OR51I2: variants seen among roughly 807,000 people sequenced by gnomAD.
The protein encoded by OR51I2 is olfactory receptor 51I2.
A neutral mutation model predicts 9.3 loss-of-function variants in OR51I2; 6 were observed. That is an observed-to-expected ratio of 0.64 (90% CI 0.35 to 1.27). OR51I2 has a LOEUF of 1.27. OR51I2 is among the 50% of genes most tolerant of loss of function. OR51I2 has a pLI of 0.03. For missense variants in OR51I2, 489 were observed against 396.4 expected (o/e 1.23, Z -1.98); for synonymous variants, 179 against 143.1 (o/e 1.25, Z -1.79).
intron 1 of OR51I2, among the ~76,000 whole-genome samples, 155 bp from the exon 2 acceptor site, chr11:5,453,104 T>C (rs758137016): frequency 3.0e-4 from 45 of 152,240 alleles, no homozygotes; most frequent in Non-Finnish European, 5.6e-4. Context: ...CTCCTGACTT[T>C]CTTCTCTTGT....
intron 1 of OR51I2, among the ~76,000 whole-genome samples, chr11:5,452,294 G>C (rs539816433): frequency 7.8e-4 from 118 of 152,098 alleles, no homozygotes; most frequent in African/African-American, 2.8e-3. Flanking sequence ...CACGAGGTCA[G>C]GAGATCGAGA....
intron 1 of OR51I2, among the ~76,000 whole-genome samples, chr11:5,451,435 A>G (rs1037216795): frequency 6.6e-6 from 1 of 152,228 alleles, no homozygotes; most frequent in Non-Finnish European, 1.5e-5. Flanking sequence ...AATGGGAGAA[A>G]TAAGAGACAA....
In OR51I2 at chr11:5,454,595, T is replaced by C; in HGVS notation, c.*168T>C. 1 of 559,776 alleles carries C rather than the reference T, an allele frequency of 1.8e-6. No homozygotes were observed. The highest frequency in any genetic ancestry group is 3.1e-6 in the Non-Finnish European group (1 of 319,054). 34.7% of individuals were successfully genotyped at this position (559,776 alleles called of 1,614,324 possible). ...AAAACAAGGAGTTCCAAATGAATAG[T>C]ACATTCACTAAATACCAACAGTATT... On this transcript the variant is annotated 3_prime_UTR_variant, in exon 2 of 2. Coordinates refer to ENST00000641930, the MANE Select transcript of OR51I2 (RefSeq NM_001004754.3).
chr11:5,453,359 G>C lies in OR51I2; in HGVS notation c.-130G>C, dbSNP rs1850886400. 1.0e-5 allele frequency: 6 copies of C among 579,034 alleles called. No homozygotes were observed. In the East Asian group the frequency reaches 1.5e-4, roughly 15 times the overall value. The allele number at this position is 579,034 out of a possible 1,614,324, so 35.9% of individuals were successfully genotyped here. ...AAGCAGTGATTTCATGAATGCGTCA[G>C]TTTCCATTTATGTCAACATCATCGC... On this transcript the variant is annotated 5_prime_UTR_variant, in exon 2 of 2. Transcript: ENST00000641930.
Position 5,455,554 on chromosome 11 carries a change from A to T in OR51I2, c.*1127A>T, listed in dbSNP as rs1850939558. ...AAAAGAGAGCGAGGGATTGGGGGAG[A>T]AAGAAGGGGGGAGAGAGAGAGAGAA... On this transcript the variant is annotated 3_prime_UTR_variant, in exon 2 of 2. Transcript: ENST00000641930. 1 of 132,384 alleles carries T rather than the reference A, an allele frequency of 7.6e-6. No homozygotes were observed. Among genetic ancestry groups the T allele is most frequent in the Non-Finnish European group, 1.5e-5 (1 of 64,828 alleles). 8.2% of individuals were successfully genotyped at this position (132,384 alleles called of 1,614,324 possible). A position where few individuals can be genotyped will look rare whatever the true frequency, so the allele number is the denominator to read the frequency against.
chr11:5,454,105 C>T lies in OR51I2; in HGVS notation c.617C>T (p.Thr206Ile). 3 of 1,614,194 alleles carry T rather than the reference C, an allele frequency of 1.9e-6. No homozygotes were observed. The highest frequency in any genetic ancestry group is 2.5e-6 in the Non-Finnish European group (3 of 1,180,042). ...SIYGLFVLVS[T>I]FGMDLFFIFL... ...TATGGACTCTTTGTTCTTGTATCCACCTTTGGCATGGACCTGTTTTTTATC... is the reference window on the plus strand; with the variant it reads ...TATGGACTCTTTGTTCTTGTATCCATCTTTGGCATGGACCTGTTTTTTATC... Residue 206 changes from threonine (T) to isoleucine (I), a missense_variant, in exon 2 of 2, where the codon ACC becomes ATC. Transcript: ENST00000641930.
intron 1 of OR51I2, among the ~76,000 whole-genome samples, chr11:5,449,865 C>A (rs1012224617): frequency 6.6e-6 from 1 of 152,130 alleles, no homozygotes; most frequent in African/African-American, 2.4e-5. Flanking sequence ...ATCAGCTAAA[C>A]TGTAGATGAA....
rs576370386 is a variant in OR51I2 at position 5,454,526 on chromosome 11, C to A, written c.*99C>A. ...AAAGTATAAGATAGATTGTGTGCTG[C>A]GGGAAAAGTAGGCCAGGAGATGGTG... On this transcript the variant is annotated 3_prime_UTR_variant, in exon 2 of 2. Coordinates refer to ENST00000641930, the MANE Select transcript of OR51I2 (RefSeq NM_001004754.3). The A allele has an allele frequency of 8.6e-6, 9 of 1,050,360 alleles. No individual in the cohort carries two copies. The highest frequency in any genetic ancestry group is 1.2e-5 in the Non-Finnish European group (9 of 724,786). The allele number at this position is 1,050,360 out of a possible 1,614,324, so 65.1% of individuals were successfully genotyped here.
Position 5,454,398 on chromosome 11 carries a change from T to C in OR51I2, c.910T>C (p.Phe304Leu). 9 of 1,607,324 alleles carry C rather than the reference T, an allele frequency of 5.6e-6. No individual in the cohort carries two copies. The highest frequency in any genetic ancestry group is 7.6e-6 in the Non-Finnish European group (9 of 1,179,610). ...AKTKEIRRAIFRMFHHIKI is the reference protein window; with the variant it reads ...AKTKEIRRAILRMFHHIKI ...GACAAAGGAAATCCGCCGAGCCATT[T>C]TCCGCATGTTTCACCACATCAAAAT... The change falls in exon 2 of 2, where the codon TTC (phenylalanine) becomes CTC (leucine). Residue 304 changes from phenylalanine to leucine, a missense_variant. By Grantham distance (22) the Phe-to-Leu change is conservative. Transcript: ENST00000641930.
intron 1 of OR51I2, among the ~76,000 whole-genome samples, chr11:5,450,250 G>A (rs1365742005): frequency 6.6e-6 from 1 of 152,004 alleles, no homozygotes; most frequent in African/African-American, 2.4e-5. Context: ...TTAGCCAGGC[G>A]TGGTGGCAGG....
At position 5,453,849 on chromosome 11, in the gene OR51I2, G is replaced by T. The variant is rs763409134; in HGVS notation, c.361G>T (p.Asp121Tyr). ...AGGTATTCTGCTGGCCATGAGTTTT[G>T]ACCGCTATGTGGCCATTTGTGACCC... is the stretch of plus-strand genomic sequence containing the variant. ...ESGILLAMSFDRYVAICDPLR... is the reference protein window; with the variant it reads ...ESGILLAMSFYRYVAICDPLR... The change falls in exon 2 of 2, where the codon GAC becomes TAC. Residue 121 changes from aspartate (D) to tyrosine (Y), a missense_variant. By Grantham distance (160) the Asp-to-Tyr change is radical. Transcript: ENST00000641930. 3 of 1,614,180 alleles carry T rather than the reference G, an allele frequency of 1.9e-6. No individual in the cohort carries two copies. The East Asian group carries it at 6.7e-5, about 36-fold the overall frequency.
intron 1 of OR51I2, among the ~76,000 whole-genome samples, chr11:5,452,470 A>C (rs1335141252): frequency 7.5e-6 from 1 of 133,954 alleles, no homozygotes; most frequent in Non-Finnish European, 1.5e-5. Context: ...GCACCACTGC[A>C]CTCCAGCCTG....
rs1231671460 is a variant in OR51I2, at chr11:5,456,191, C to T, written c.*1764C>T. The stretch of plus-strand genomic sequence containing the variant: ...TACATTCTTTTGACCATAGGCCTTA[C>T]TTAGAAACCCAATGGTGTAACATAG... On this transcript the variant is annotated 3_prime_UTR_variant, in exon 2 of 2. Transcript: ENST00000641930. The T allele has an allele frequency of 6.6e-6, 1 of 152,180 alleles. No homozygotes were observed. The highest frequency in any genetic ancestry group is 1.5e-5 in the Non-Finnish European group (1 of 68,028). The allele number at this position is 152,180 out of a possible 1,614,324, so 9.4% of individuals were successfully genotyped here.
At chr11:5,449,906 T>A (rs1465512181) in intron 1 of OR51I2, among the ~76,000 whole-genome samples, 2 of 152,238 alleles carry the variant, frequency 1.3e-5, no homozygotes, top group Admixed American at 1.3e-4. Context: ...TCATTCTTTA[T>A]TATCCATGAT....
Position 5,454,655 on chromosome 11 carries a change from T to C in OR51I2, c.*228T>C, listed in dbSNP as rs1590005166. 4 of 380,350 alleles carry C rather than the reference T, an allele frequency of 1.1e-5. No individual in the cohort carries two copies. In the East Asian group the frequency reaches 1.7e-4, roughly 16 times the overall value. 23.6% of individuals were successfully genotyped at this position (380,350 alleles called of 1,614,324 possible). ...ATAAATATTGGGGGCAATTGAGTAA[T>C]TAGACAAGTTTTACAGAGGAAGACT... On this transcript the variant is annotated 3_prime_UTR_variant, in exon 2 of 2. Coordinates refer to ENST00000641930, the MANE Select transcript of OR51I2 (RefSeq NM_001004754.3).
Position 5,453,460 on chromosome 11 carries a change from T to G in OR51I2, c.-29T>G. The G allele has an allele frequency of 5.4e-6, 8 of 1,474,516 alleles. No individual in the cohort carries two copies. The highest frequency in any genetic ancestry group is 6.3e-6 in the Non-Finnish European group (7 of 1,103,694). The allele number at this position is 1,474,516 out of a possible 1,614,324, so 91.3% of individuals were successfully genotyped here. A position where few individuals can be genotyped will look rare whatever the true frequency, so the allele number is the denominator to read the frequency against. On this transcript the variant is annotated 5_prime_UTR_variant, in exon 2 of 2. Transcript: ENST00000641930. ...AATTCTCCAAGTCAGAAGATCTGAC[T>G]CTGAAAAGTACCCTAAGTTTGTTTT...
In OR51I2 at chr11:5,453,664, T is replaced by G; in HGVS notation, c.176T>G (p.Met59Arg). 6.2e-7 allele frequency: 1 copy of G among 1,613,466 alleles called. No homozygotes were observed. Among genetic ancestry groups the G allele is most frequent in the Non-Finnish European group, 8.5e-7 (1 of 1,179,706 alleles). The change falls in exon 2 of 2, where the codon ATG becomes AGG. Residue 59 changes from methionine (M) to arginine (R), a missense_variant. Transcript: ENST00000641930. The part of the protein sequence containing the change: ...VRVEPSLHEP[M>R]YYFLSMLSFS... Reference sequence around the variant, plus strand: ...GTGGAGCCCAGCCTCCATGAGCCCATGTACTACTTCCTGTCCATGTTGTCC... The same window carrying G: ...GTGGAGCCCAGCCTCCATGAGCCCAGGTACTACTTCCTGTCCATGTTGTCC...
At position 5,454,238 on chromosome 11, in the gene OR51I2, A is replaced by G. The variant is rs1460683646; in HGVS notation, c.750A>G (p.Ala250=). 2.5e-6 allele frequency: 4 copies of G among 1,614,020 alleles called. No individual in the cohort carries two copies. Among genetic ancestry groups the G allele is most frequent in the Non-Finnish European group, 3.4e-6 (4 of 1,180,020 alleles). Residue 250 remains alanine, a synonymous_variant, in exon 2 of 2, where the codon GCA becomes GCG. Coordinates refer to ENST00000641930, the MANE Select transcript of OR51I2 (RefSeq NM_001004754.3). ...TGTCACATATCCTGGCTGTACTTGC[A>G]TTTTATGTGCCAATGATTGGGGTCT... is the stretch of plus-strand genomic sequence containing the variant. ...TCVSHILAVL[A]FYVPMIGVST...
rs1850958163 is a variant in OR51I2 at position 5,456,321 on chromosome 11, T to A, written c.*1894T>A. On this transcript the variant is annotated 3_prime_UTR_variant, in exon 2 of 2. Coordinates refer to ENST00000641930, the MANE Select transcript of OR51I2 (RefSeq NM_001004754.3). ...CAGCATTAATTAAAAGAGCTACTGA[T>A]TTTCAGGTTCTAATGGAAAATGCAC... is the stretch of plus-strand genomic sequence containing the variant. 6.6e-6 allele frequency: 1 copy of A among 152,176 alleles called. No homozygotes were observed. The highest frequency in any genetic ancestry group is 2.4e-5 in the African/African-American group (1 of 41,436). 9.4% of individuals were successfully genotyped at this position (152,176 alleles called of 1,614,324 possible).
Sources: allele counts gnomAD v4.1 joint callset (sites outside exome capture counted in the v4.1 genomes callset), GRCh38; gene constraint gnomAD v4.1.1; transcripts MANE v1.5; gene names NCBI Gene and HGNC (gene_info 2026-07-23, HGNC 2026-07-21).